The following CACNA1B variants were observed in gnomAD, a reference collection of about 807,000 sequenced individuals.
The protein encoded by CACNA1B is voltage-dependent N-type calcium channel subunit alpha-1B.
A neutral mutation model predicts 247.2 loss-of-function variants in CACNA1B; 70 were observed. The observed-to-expected ratio is 0.28, with a 90% confidence interval of 0.23 to 0.35. The LOEUF is 0.35. Ranked by LOEUF, CACNA1B falls within the 10% of genes least tolerant of loss-of-function variation. CACNA1B has a pLI of 1.00. For synonymous variants in CACNA1B, 1,231 were observed against 1,294.4 expected, an observed-to-expected ratio of 0.95 and a Z score of 1.05; for missense variants, 2,367 against 3,197.4, an observed-to-expected ratio of 0.74 and a Z score of 6.26.
intron 32 of CACNA1B, among the ~76,000 whole-genome samples, chr9:138,071,396 G>T (rs1470401289): frequency 1.3e-5 from 2 of 152,236 alleles, no homozygotes. Context: ...GGCTGGCGGA[G>T]GCCAGAGGTG....
chr9:137,949,098 ATGTT>A (rs1564203137), intron 6 of CACNA1B, among the ~76,000 whole-genome samples: 14 of 1,836 alleles, frequency 7.6e-3, no homozygotes, highest in African/African-American at 9.3e-3. Context: ...TGGTGTGTGC[ATGTT>A]TGTGGTGGCT....
In CACNA1B at chr9:137,952,408, C is replaced by A. The variant is rs144768430; in HGVS notation, c.1070+31C>A. On this transcript the variant is annotated intron_variant, in intron 7 of 46. Transcript: ENST00000371372. This position sits in a 1 kb window ranked among gnomAD's most constrained non-coding sequence, Gnocchi z 4.8. ...AGACCATGTGGGGGATGTGCAGGTG[C>A]CCCTCTGTGTTCTCAGCTGAGGGGT... 1.3e-6 allele frequency: 2 copies of A among 1,569,532 alleles called. No individual in the cohort carries two copies. Among genetic ancestry groups the A allele is most frequent in the African/African-American group, 1.4e-5 (1 of 74,010 alleles).
At chr9:137,915,424 T>C (rs1355660301) in intron 5 of CACNA1B, among the ~76,000 whole-genome samples, 1 of 152,096 alleles carries the variant, frequency 6.6e-6, no homozygotes, top group Non-Finnish European at 1.5e-5. Flanking sequence ...ATTATGGGTG[T>C]ATTTGTAGGT....
rs1958196630 is a variant in CACNA1B, at chr9:137,974,631, A to T, written c.1544-1276A>T. 2.0e-5 allele frequency among the ~76,000 whole-genome samples: 3 copies of T among 152,104 alleles called. No homozygotes were observed. Among genetic ancestry groups the T allele is most frequent in the African/African-American group, 7.2e-5 (3 of 41,404 alleles). Reference sequence around the variant, plus strand: ...CACAGCCCTTGGTGGAGGAGATTTTAGGAGCATAGGGGTGGGAAGAGTGTG... The same window carrying T: ...CACAGCCCTTGGTGGAGGAGATTTTTGGAGCATAGGGGTGGGAAGAGTGTG... On this transcript the variant is annotated intron_variant, in intron 11 of 46. Coordinates refer to ENST00000371372, the MANE Select transcript of CACNA1B (RefSeq NM_000718.4). This position sits in a 1 kb window ranked among gnomAD's most constrained non-coding sequence, Gnocchi z 4.5.
intron 15 of CACNA1B, among the ~76,000 whole-genome samples, chr9:137,994,977 G>A (rs1958478894): frequency 6.6e-6 from 1 of 152,152 alleles, no homozygotes; most frequent in Admixed American, 6.5e-5. Flanking sequence ...GGCCAAGGCG[G>A]GCAGATTACC....
intron 36 of CACNA1B, among the ~76,000 whole-genome samples, chr9:138,079,793 A>G (rs942499588): frequency 6.7e-6 from 1 of 148,432 alleles, no homozygotes; most frequent in Non-Finnish European, 1.5e-5. Context: ...GAGACTCGCT[A>G]GAACCCGGGA....
In CACNA1B at chr9:137,952,130, C is replaced by A; in HGVS notation, c.967-144C>A. 1.5e-6 allele frequency: 1 copy of A among 654,142 alleles called. No homozygotes were observed. The highest frequency in any genetic ancestry group is 2.8e-6 in the Non-Finnish European group (1 of 359,122). 40.5% of individuals were successfully genotyped at this position (654,142 alleles called of 1,614,324 possible). A position where few individuals can be genotyped will look rare whatever the true frequency, so the allele number is the denominator to read the frequency against. ...CTGGACTCCAGCCCCATGCTTGGAC[C>A]TCCCTGTGACTGGCCTCCCCACTGC... On this transcript the variant is annotated intron_variant, in intron 6 of 46. Transcript: ENST00000371372. This position sits in a 1 kb window ranked among gnomAD's most constrained non-coding sequence, Gnocchi z 4.8.
chr9:138,061,718 A>G (rs1042932664), intron 31 of CACNA1B, among the ~76,000 whole-genome samples: 3 of 152,172 alleles, frequency 2.0e-5, no homozygotes, highest in Non-Finnish European at 4.4e-5. Flanking sequence ...AGGAAAGGCA[A>G]ACCCACACCT....
chr9:137,991,764 G>A (rs1418112216), intron 15 of CACNA1B, among the ~76,000 whole-genome samples: 1 of 152,188 alleles, frequency 6.6e-6, no homozygotes, highest in African/African-American at 2.4e-5. Context: ...AGCCAGAAGA[G>A]ATTGATTAGG....
At chr9:137,977,754 T>G (rs1277865676) in intron 12 of CACNA1B, among the ~76,000 whole-genome samples, 2 of 152,058 alleles carry the variant, frequency 1.3e-5, no homozygotes, top group East Asian at 3.9e-4. Flanking sequence ...AAGTACTCCC[T>G]CCAAGTCTTT....
rs774601618 is a variant in CACNA1B, at chr9:138,120,590, C to G, written c.6239-41C>G. 49 of 1,469,250 alleles carry G rather than the reference C, an allele frequency of 3.3e-5. No individual in the cohort carries two copies. In the East Asian group the frequency reaches 1.2e-3, roughly 35 times the overall value. 91.0% of individuals were successfully genotyped at this position (1,469,250 alleles called of 1,614,324 possible). On this transcript the variant is annotated intron_variant, in intron 45 of 46. Transcript: ENST00000371372. ...GGGCCCGGGGGTCAGGGGTCCCTGC[C>G]TTGGGCCTGGCCGTGCTAACTTCTT...
At position 137,882,655 on chromosome 9, in the gene CACNA1B, A is replaced by G. The variant is rs967401963; in HGVS notation, c.391-89A>G. On this transcript the variant is annotated intron_variant, in intron 2 of 46. Coordinates refer to ENST00000371372, the MANE Select transcript of CACNA1B (RefSeq NM_000718.4). This position sits in a 1 kb window ranked among gnomAD's most constrained non-coding sequence, Gnocchi z 4.0. ...CCCTCACGATAGCTGTGGCCTGCACATGGTGGGGTGGGGTCCTCACCAACC... is the reference window on the plus strand; with the variant it reads ...CCCTCACGATAGCTGTGGCCTGCACGTGGTGGGGTGGGGTCCTCACCAACC... 12 of 1,474,178 alleles carry G rather than the reference A, an allele frequency of 8.1e-6. No individual in the cohort carries two copies. The highest frequency in any genetic ancestry group is 5.2e-5 in the Admixed American group (3 of 57,594). 91.3% of individuals were successfully genotyped at this position (1,474,178 alleles called of 1,614,324 possible). A position where few individuals can be genotyped will look rare whatever the true frequency, so the allele number is the denominator to read the frequency against.
chr9:138,023,371 C>T lies in CACNA1B; in HGVS notation c.2628C>T (p.Ser876=), dbSNP rs1342280605. 6 of 1,297,586 alleles carry T rather than the reference C, an allele frequency of 4.6e-6. No individual in the cohort carries two copies. The highest frequency in any genetic ancestry group is 4.9e-6 in the Non-Finnish European group (5 of 1,021,166). 80.4% of individuals were successfully genotyped at this position (1,297,586 alleles called of 1,614,324 possible). ...GAGCAGAGGCCCCGAAGGCGGAGAG[C>T]GGGGAGCCCGGTGCCCGGGAGGAGC... is the stretch of plus-strand genomic sequence containing the variant. ...QDRAEAPKAE[S]GEPGAREERP... is the part of the protein sequence containing the mutation. The change falls in exon 19 of 47, where the codon AGC becomes AGT. Residue 876 remains serine, a synonymous_variant. Transcript: ENST00000371372.
intron 6 of CACNA1B, among the ~76,000 whole-genome samples, chr9:137,918,891 G>A (rs1275929882): frequency 1.3e-5 from 2 of 152,220 alleles, no homozygotes; most frequent in Non-Finnish European, 2.9e-5. Flanking sequence ...TGTGATTGAG[G>A]GAATGAGGAA....
intron 8 of CACNA1B, among the ~76,000 whole-genome samples, 157 bp from the exon 9 acceptor site, chr9:137,956,614 A>T (rs1215270463): frequency 2.0e-5 from 3 of 150,970 alleles, no homozygotes; most frequent in African/African-American, 7.3e-5. Context: ...AGATTGTGCC[A>T]CTGCACTCCA....
At chr9:137,960,678 G>A (rs1958010773) in intron 10 of CACNA1B, among the ~76,000 whole-genome samples, 1 of 151,986 alleles carries the variant, frequency 6.6e-6, no homozygotes, top group African/African-American at 2.4e-5. Context: ...AGCGCGGCTG[G>A]AGTGAGGTGC....
At chr9:137,976,082 C>A in intron 12 of CACNA1B, 63 bp downstream of exon 12, 1 of 982,778 alleles carries the variant, frequency 1.0e-6, no homozygotes, top group South Asian at 1.3e-5. Flanking sequence ...ACACAGCCCC[C>A]TCCCATAGGC....
intron 20 of CACNA1B, among the ~76,000 whole-genome samples, chr9:138,025,866 G>C (rs1958914598): frequency 1.3e-5 from 2 of 152,180 alleles, no homozygotes; most frequent in Admixed American, 1.3e-4. Context: ...CGTTTCATGG[G>C]CATCAAGGAG....
At position 138,073,435 on chromosome 9, in the gene CACNA1B, G is replaced by T; in HGVS notation, c.4675-53G>T. On this transcript the variant is annotated intron_variant, in intron 32 of 46. Coordinates refer to ENST00000371372, the MANE Select transcript of CACNA1B (RefSeq NM_000718.4). This position sits in a 1 kb window ranked among gnomAD's most constrained non-coding sequence, Gnocchi z 6.4. ...AGAGGTTGTAGGGTGGCAGCAGCTT[G>T]CCTGCGCTTTCGGGGCTTCTGAAGG... is the stretch of plus-strand genomic sequence containing the variant. 1 of 1,089,800 alleles carries T rather than the reference G, an allele frequency of 9.2e-7. No homozygotes were observed. Among genetic ancestry groups the T allele is most frequent in the Admixed American group, 1.7e-5 (1 of 58,812 alleles). The allele number at this position is 1,089,800 out of a possible 1,614,324, so 67.5% of individuals were successfully genotyped here. A position where few individuals can be genotyped will look rare whatever the true frequency, so the allele number is the denominator to read the frequency against.
Sources: allele counts gnomAD v4.1 joint callset (sites outside exome capture counted in the v4.1 genomes callset), GRCh38; gene constraint gnomAD v4.1.1; non-coding constraint Gnocchi (gnomAD v3.1); transcripts MANE v1.5; gene names NCBI Gene and HGNC (gene_info 2026-07-23, HGNC 2026-07-21).